Variants in SUZ12 observed in about 807,000 individuals in gnomAD.
SUZ12 encodes SUZ12 polycomb repressive complex 2 subunit.
In SUZ12, 17 loss-of-function variants were observed where a neutral mutation model predicts 87.3. That is an observed-to-expected ratio of 0.19 (90% CI 0.13 to 0.29). The LOEUF (loss-of-function observed/expected upper bound fraction) is 0.29, where lower values mean the gene tolerates loss of function less well. Among genes scored for constraint, SUZ12 ranks in the 10% least tolerant of loss-of-function variants. The pLI, the probability that SUZ12 is intolerant of heterozygous loss-of-function variation, is 1.00. For synonymous variants in SUZ12, 253 were observed against 312.4 expected, an observed-to-expected ratio of 0.81 and a Z score of 2.01; for missense variants, 526 against 912.2, an observed-to-expected ratio of 0.58 and a Z score of 5.45.
At chr17:31,940,561 A>G in intron 3 of SUZ12, 75 bp downstream of exon 3, 1 of 1,072,184 alleles carries the variant, frequency 9.3e-7, no homozygotes, top group Non-Finnish European at 1.2e-6. Context: ...TCTCAAAATT[A>G]AAAAAAAAAA....
intron 5 of SUZ12, 41 bp downstream of exon 5, chr17:31,966,237 A>G (rs1251933101): frequency 1.3e-6 from 2 of 1,509,084 alleles, no homozygotes; most frequent in Non-Finnish European, 1.8e-6. Context: ...TTTAATAGCA[A>G]GATACCTTTG....
chr17:31,992,827 C>T (rs985731951), intron 10 of SUZ12, among the ~76,000 whole-genome samples: 1 of 151,978 alleles, frequency 6.6e-6, no homozygotes, highest in East Asian at 1.9e-4. Flanking sequence ...GCTTCCGCCT[C>T]CTGAGTAGCT....
At chr17:31,941,471 G>T (rs1906276304) in intron 3 of SUZ12, among the ~76,000 whole-genome samples, 1 of 151,888 alleles carries the variant, frequency 6.6e-6, no homozygotes, top group East Asian at 1.9e-4. Flanking sequence ...TGGCCAGGCT[G>T]GTCTCGAACT....
Position 32,000,025 on chromosome 17 carries a change from T to C in SUZ12, c.*1022T>C, listed in dbSNP as rs1910179204. 2 of 232,802 alleles carry C rather than the reference T, an allele frequency of 8.6e-6. No homozygotes were observed. Among genetic ancestry groups the C allele is most frequent in the Admixed American group, 1.1e-4 (2 of 17,784 alleles). 14.4% of individuals were successfully genotyped at this position (232,802 alleles called of 1,614,324 possible). On this transcript the variant is annotated 3_prime_UTR_variant, in exon 16 of 16. Coordinates refer to ENST00000322652, the MANE Select transcript of SUZ12 (RefSeq NM_015355.4). ...AGCTGACTTGAATCATTTTGAGCAA[T>C]TTTGCCCTGTGTTATATGTGTTTCA...
chr17:31,941,631 C>T (rs1334098798), intron 3 of SUZ12, among the ~76,000 whole-genome samples: 1 of 151,574 alleles, frequency 6.6e-6, no homozygotes, highest in South Asian at 2.1e-4. Context: ...CTCACTGCAA[C>T]CTCTGCCTCC....
In SUZ12 at chr17:31,998,887, A is replaced by T; in HGVS notation, c.2104A>T (p.Thr702Ser). 1 of 1,613,596 alleles carries T rather than the reference A, an allele frequency of 6.2e-7. No homozygotes were observed. Among genetic ancestry groups the T allele is most frequent in the Non-Finnish European group, 8.5e-7 (1 of 1,179,900 alleles). The change falls in exon 16 of 16, where the codon ACT becomes TCT. Residue 702 changes from threonine to serine, a missense_variant. Thr to Ser is a moderately conservative substitution (Grantham distance 58). Coordinates refer to ENST00000322652, the MANE Select transcript of SUZ12 (RefSeq NM_015355.4). ...ESASPANEEITEEQNGTANGF... is the reference protein window; with the variant it reads ...ESASPANEEISEEQNGTANGF... ...TGCTTCCCCTGCAAACGAAGAAATA[A>T]CTGAAGAACAAAATGGGACAGCAAA...
At chr17:31,960,521 T>G (rs868529478) in intron 4 of SUZ12, among the ~76,000 whole-genome samples, 1 of 152,164 alleles carries the variant, frequency 6.6e-6, no homozygotes. Context: ...AGTGTTTACT[T>G]TTAGGTGAGG....
chr17:31,982,334 C>T (rs1909158413), intron 8 of SUZ12, among the ~76,000 whole-genome samples: 1 of 144,796 alleles, frequency 6.9e-6, no homozygotes, highest in South Asian at 2.2e-4. Context: ...CTAAGACAAG[C>T]ATTGTTTGTA....
intron 3 of SUZ12, among the ~76,000 whole-genome samples, chr17:31,944,825 C>T (rs868571677): frequency 1.3e-5 from 2 of 151,960 alleles, no homozygotes; most frequent in African/African-American, 2.4e-5. Context: ...TTTATTTGAG[C>T]GTATCAAGTG....
chr17:31,986,910 C>T (rs575977526), intron 9 of SUZ12, among the ~76,000 whole-genome samples: 3 of 152,292 alleles, frequency 2.0e-5, no homozygotes, highest in Admixed American at 2.0e-4. Context: ...GGAGTTTAGG[C>T]CTCTGTGGCA....
chr17:31,944,147 AG>A (rs1906473136), intron 3 of SUZ12, among the ~76,000 whole-genome samples: 2 of 151,670 alleles, frequency 1.3e-5, no homozygotes, highest in Admixed American at 6.6e-5. Context: ...TTTTTTTTTG[AG>A]ATGGAGTTTC....
chr17:31,938,792 T>C (rs1429999670), intron 1 of SUZ12, among the ~76,000 whole-genome samples: 1 of 152,238 alleles, frequency 6.6e-6, no homozygotes. Context: ...TAAAAGTTCT[T>C]TCTGAATGTT....
At chr17:31,980,476 T>G in intron 8 of SUZ12, among the ~76,000 whole-genome samples, 2 of 122,542 alleles carry the variant, frequency 1.6e-5, no homozygotes, top group Non-Finnish European at 3.3e-5. Context: ...TGAGACGGAG[T>G]TTTGCTCCTG....
rs752210642 is a variant in SUZ12 at position 31,994,549 on chromosome 17, A to G, written c.1438-15A>G. On this transcript the variant is annotated splice_polypyrimidine_tract_variant and intron_variant, in intron 12 of 15. Transcript: ENST00000322652. The stretch of plus-strand genomic sequence containing the variant: ...GGATACTTAATATATTTTTTTTTTT[A>G]CATTTTTGTTGCAGTATCATCCAAA... 1.7e-5 allele frequency: 26 copies of G among 1,555,700 alleles called. No homozygotes were observed. In the Admixed American group the frequency reaches 4.8e-4, roughly 29 times the overall value.
At chr17:31,968,026 G>T (rs1304217310) in intron 5 of SUZ12, among the ~76,000 whole-genome samples, 2 of 152,146 alleles carry the variant, frequency 1.3e-5, no homozygotes, top group Non-Finnish European at 2.9e-5. Flanking sequence ...AGTGGCACAT[G>T]CCTGTAGTCC....
intron 4 of SUZ12, among the ~76,000 whole-genome samples, chr17:31,962,801 G>T (rs754325713): frequency 2.6e-5 from 4 of 152,250 alleles, no homozygotes; most frequent in African/African-American, 9.6e-5. Flanking sequence ...GGTAGGTGGG[G>T]TCTCAGTAGA....
chr17:31,969,219 A>T (rs374380232), intron 5 of SUZ12, among the ~76,000 whole-genome samples: 121 of 152,126 alleles, frequency 8.0e-4, no homozygotes, highest in Middle Eastern at 3.4e-3. Context: ...ATCTCGGCTC[A>T]CCACAACCTC....
chr17:31,988,559 T>C, intron 10 of SUZ12, 62 bp downstream of exon 10: 1 of 1,442,736 alleles, frequency 6.9e-7, no homozygotes, highest in African/African-American at 1.5e-5. Flanking sequence ...TCTTGTGCTT[T>C]AGATTAATTC....
chr17:31,993,775 T>A (rs1909837945), intron 11 of SUZ12, 90 bp from the exon 12 acceptor site: 1 of 1,331,206 alleles, frequency 7.5e-7, no homozygotes, highest in South Asian at 1.4e-5. Context: ...CCGCTTAAAT[T>A]TTTTAAACTA....
Sources: gnomAD v4.1 joint callset for allele counts (sites outside exome capture counted in the v4.1 genomes callset) on GRCh38, gnomAD v4.1.1 for gene constraint, MANE v1.5 for transcripts, NCBI Gene and HGNC (gene_info 2026-07-23, HGNC 2026-07-21) for gene names.